DOCK3: variants seen among roughly 807,000 people sequenced by gnomAD.
The protein encoded by DOCK3 is dedicator of cytokinesis protein 3.
In DOCK3, 60 loss-of-function variants were observed where a neutral mutation model predicts 265.6. That is an observed-to-expected ratio of 0.23 (90% CI 0.18 to 0.28). The LOEUF is 0.28. DOCK3 is among the 10% of genes least tolerant of loss of function. The probability of loss-of-function intolerance (pLI) is 1.00; values close to 1 mark genes in which losing one functional copy is unlikely to be tolerated. For synonymous variants in DOCK3, 881 were observed against 938.0 expected, an observed-to-expected ratio of 0.94 and a Z score of 1.11; for missense variants, 1,981 against 2,594.3, an observed-to-expected ratio of 0.76 and a Z score of 5.14.
intron 1 of DOCK3, among the ~76,000 whole-genome samples, chr3:50,704,793 T>C (rs1336035660): frequency 6.6e-6 from 1 of 151,694 alleles, no homozygotes; most frequent in African/African-American, 2.4e-5. Context: ...GCTCAGCTAA[T>C]TTTTTTTGTA....
rs905229972 is a variant in DOCK3 at position 50,829,576 on chromosome 3, A to AG, written c.122-12098dup. 3.9e-5 allele frequency among the ~76,000 whole-genome samples: 6 copies of AG among 152,222 alleles called. No homozygotes were observed. The East Asian group carries it at 9.7e-4, about 24-fold the overall frequency. ...TATCATTTTCTGCTGGTATGCCCTC[A>AG]GAAAAAAAAAGTCAGGTGAATGAGG... On this transcript the variant is annotated intron_variant, in intron 2 of 52. Transcript: ENST00000266037.
intron 27 of DOCK3, among the ~76,000 whole-genome samples, chr3:51,281,274 AATATATATATATATATATATAT>A (rs56084027): frequency 8.0e-6 from 1 of 125,694 alleles, no homozygotes; most frequent in African/African-American, 3.0e-5. Context: ...GATGAGCTAA[AATATATATATATATATATATAT>A]ATATATATAT....
intron 14 of DOCK3, among the ~76,000 whole-genome samples, chr3:51,219,780 T>C (rs946096746): frequency 6.6e-6 from 1 of 152,132 alleles, no homozygotes; most frequent in African/African-American, 2.4e-5. Context: ...TTACCACAAG[T>C]GGGTTCATAG....
chr3:50,932,929 G>A (rs958403767), intron 4 of DOCK3, among the ~76,000 whole-genome samples: 3 of 152,176 alleles, frequency 2.0e-5, no homozygotes, highest in Non-Finnish European at 2.9e-5. Flanking sequence ...ATAAAGAAGA[G>A]ATTTAATGGA....
chr3:50,740,016 C>G (rs1435280239), intron 1 of DOCK3, among the ~76,000 whole-genome samples: 1 of 152,058 alleles, frequency 6.6e-6, no homozygotes, highest in Non-Finnish European at 1.5e-5. Context: ...TCTATTTCTC[C>G]TCTTGCCTTT....
intron 27 of DOCK3, among the ~76,000 whole-genome samples, chr3:51,308,198 CATT>C (rs1487571846): frequency 2.0e-5 from 3 of 151,094 alleles, no homozygotes; most frequent in African/African-American, 7.3e-5. Flanking sequence ...CAACAAAACT[CATT>C]GTTATTATTC....
At chr3:51,227,064 A>G (rs2090358888) in intron 15 of DOCK3, among the ~76,000 whole-genome samples, 1 of 152,210 alleles carries the variant, frequency 6.6e-6, no homozygotes, top group African/African-American at 2.4e-5. Flanking sequence ...GTTCACCCCA[A>G]GGAAAACAAG....
chr3:51,322,070 A>T (rs976120033), intron 32 of DOCK3, among the ~76,000 whole-genome samples: 1 of 152,262 alleles, frequency 6.6e-6, no homozygotes, highest in Non-Finnish European at 1.5e-5. Flanking sequence ...TGTTAAGGGC[A>T]GCCAGAGAGA....
chr3:51,292,647 A>G (rs1412927950), intron 27 of DOCK3, among the ~76,000 whole-genome samples: 1 of 152,136 alleles, frequency 6.6e-6, no homozygotes, highest in African/African-American at 2.4e-5. Flanking sequence ...TGTTTACAAT[A>G]GTATTTTTAA....
At chr3:50,803,974 C>T (rs564690682) in intron 2 of DOCK3, among the ~76,000 whole-genome samples, 125 of 152,102 alleles carry the variant, frequency 8.2e-4, no homozygotes, top group African/African-American at 2.9e-3. Flanking sequence ...GGGCTCCTCA[C>T]TTCTCAGACA....
chr3:51,048,264 C>T (rs2080852010), intron 5 of DOCK3, among the ~76,000 whole-genome samples: 1 of 152,070 alleles, frequency 6.6e-6, no homozygotes, highest in South Asian at 2.1e-4. Context: ...ATGACAGCCT[C>T]ACAGCTTATA....
intron 12 of DOCK3, among the ~76,000 whole-genome samples, chr3:51,167,199 C>A (rs1011015565): frequency 1.3e-5 from 2 of 152,190 alleles, no homozygotes; most frequent in Non-Finnish European, 2.9e-5. Flanking sequence ...CCCAGCATCA[C>A]TTATTGAAAA....
chr3:51,214,833 G>GGGAATGCA (rs1266588655), intron 14 of DOCK3, among the ~76,000 whole-genome samples: 1 of 152,124 alleles, frequency 6.6e-6, no homozygotes, highest in Non-Finnish European at 1.5e-5. Context: ...GGCAGAAATT[G>GGGAATGCA]GGAATGCATT....
chr3:51,360,392 A>C, intron 46 of DOCK3, 119 bp from the exon 47 acceptor site: 1 of 1,335,244 alleles, frequency 7.5e-7, no homozygotes, highest in Non-Finnish European at 1.0e-6. Context: ...GGTTCAGCCA[A>C]CCATATGATT....
At chr3:50,782,576 AGTGTGTGT>A (rs145578993) in intron 2 of DOCK3, among the ~76,000 whole-genome samples, 11 of 147,188 alleles carry the variant, frequency 7.5e-5, no homozygotes, top group Middle Eastern at 3.3e-3. Context: ...TTATTTTTTG[AGTGTGTGT>A]GTGTGTGTGT....
chr3:50,850,341 CAG>C, intron 3 of DOCK3, among the ~76,000 whole-genome samples: 1 of 147,512 alleles, frequency 6.8e-6, no homozygotes, highest in Non-Finnish European at 1.5e-5. Flanking sequence ...GCCTGGGAGA[CAG>C]AGTGAGACTC....
chr3:51,280,461 G>A (rs990543244), intron 27 of DOCK3, among the ~76,000 whole-genome samples: 2 of 152,174 alleles, frequency 1.3e-5, no homozygotes, highest in South Asian at 2.1e-4. Flanking sequence ...TCTATTAGAG[G>A]CTACTCTGTC....
intron 1 of DOCK3, among the ~76,000 whole-genome samples, chr3:50,712,300 G>C (rs1171028886): frequency 6.6e-6 from 1 of 152,098 alleles, no homozygotes; most frequent in Non-Finnish European, 1.5e-5. Flanking sequence ...AGCAATAAAT[G>C]TTCTCCTAAG....
intron 7 of DOCK3, among the ~76,000 whole-genome samples, chr3:51,086,839 A>G (rs578084074): frequency 9.9e-5 from 15 of 152,282 alleles, no homozygotes; most frequent in African/African-American, 3.4e-4. Flanking sequence ...AGAGACTACT[A>G]TGAACAATTA....
Sources: gnomAD v4.1 joint callset for allele counts (sites outside exome capture counted in the v4.1 genomes callset) on GRCh38, gnomAD v4.1.1 for gene constraint, MANE v1.5 for transcripts, NCBI Gene and HGNC (gene_info 2026-07-23, HGNC 2026-07-21) for gene names.